The following NSRP1 variants were observed in gnomAD, a reference collection of about 807,000 sequenced individuals.
The protein encoded by NSRP1 is nuclear speckle splicing regulatory protein 1.
In NSRP1, 24 loss-of-function variants were observed where a neutral mutation model predicts 54.7. That is an observed-to-expected ratio of 0.44 (90% CI 0.32 to 0.62). The LOEUF (loss-of-function observed/expected upper bound fraction) is 0.62, where lower values mean the gene tolerates loss of function less well. Among genes scored for constraint, NSRP1 ranks in the 20% least tolerant of loss-of-function variants. The pLI, the probability that NSRP1 is intolerant of heterozygous loss-of-function variation, is 0.06. For missense variants in NSRP1, 596 were observed against 651.2 expected (o/e 0.92, Z 0.92); for synonymous variants, 210 against 213.8 (o/e 0.98, Z 0.15).
chr17:30,117,418 T>G (rs1485711011), intron 1 of NSRP1: 1 of 444,050 alleles, frequency 2.3e-6, no homozygotes, highest in Non-Finnish European at 4.0e-6. Context: ...TGATGTGTAA[T>G]CCTTACTTTT....
Position 30,185,048 on chromosome 17 carries a change from C to T in NSRP1, c.1051C>T (p.His351Tyr). The part of the protein sequence containing the change: ...RDSHRHREAS[H>Y]RDSHWKRHEQ... Reference sequence around the variant, plus strand: ...TTCTCATAGGCACAGAGAGGCCAGTCATAGAGATTCCCATTGGAAGAGGCA... The same window carrying T: ...TTCTCATAGGCACAGAGAGGCCAGTTATAGAGATTCCCATTGGAAGAGGCA... The change falls in exon 7 of 7, where the codon CAT becomes TAT. Residue 351 changes from histidine (H) to tyrosine (Y), a missense_variant. By Grantham distance (83) the His-to-Tyr change is moderately conservative. Transcript: ENST00000247026. The T allele has an allele frequency of 6.2e-7, 1 of 1,614,012 alleles. No homozygotes were observed. Among genetic ancestry groups the T allele is most frequent in the East Asian group, 2.2e-5 (1 of 44,884 alleles).
At chr17:30,143,321 A>G (rs1391142359) in intron 2 of NSRP1, among the ~76,000 whole-genome samples, 1 of 152,224 alleles carries the variant, frequency 6.6e-6, no homozygotes, top group African/African-American at 2.4e-5. Flanking sequence ...TACTTTAAAG[A>G]TAAGAAGCAG....
At chr17:30,143,066 T>C (rs1464335844) in intron 2 of NSRP1, among the ~76,000 whole-genome samples, 2 of 152,218 alleles carry the variant, frequency 1.3e-5, no homozygotes, top group Non-Finnish European at 2.9e-5. Context: ...TTTCTGTTTC[T>C]CCAAAATCAT....
chr17:30,162,438 A>G (rs1904554340), intron 2 of NSRP1, among the ~76,000 whole-genome samples: 1 of 152,190 alleles, frequency 6.6e-6, no homozygotes, highest in Non-Finnish European at 1.5e-5. Context: ...CTTTGTACTT[A>G]CAAGAGTTGT....
intron 2 of NSRP1, among the ~76,000 whole-genome samples, chr17:30,164,012 TGTGTATG>T (rs1904638735): frequency 6.6e-6 from 1 of 151,578 alleles, no homozygotes; most frequent in Non-Finnish European, 1.5e-5. Context: ...CCCCTTATAA[TGTGTATG>T]TGTGTGTGTG....
Position 30,138,909 on chromosome 17 carries a change from G to GTTTTTTTTTT in NSRP1, c.114+20753_114+20762dup. ...ATGAAGTGGTATCTCAAGTCTTAGC[G>GTTTTTTTTTT]TTTTTTTTTTTTTTTTTTTTTTTTT... is the stretch of plus-strand genomic sequence containing the variant. On this transcript the variant is annotated intron_variant, in intron 2 of 6. Transcript: ENST00000247026. Among the ~76,000 whole-genome samples the GTTTTTTTTTT allele has an allele frequency of 3.4e-5, 2 of 58,188 alleles. 1 individual carries two copies. Among genetic ancestry groups the GTTTTTTTTTT allele is most frequent in the South Asian group, 1.8e-3 (2 of 1,136 alleles). 38.2% of individuals were successfully genotyped at this position (58,188 alleles called of 152,430 possible).
chr17:30,146,695 G>A (rs530357993), intron 2 of NSRP1, among the ~76,000 whole-genome samples: 59 of 152,264 alleles, frequency 3.9e-4, no homozygotes, highest in African/African-American at 1.4e-3. Context: ...GAGTACAGTG[G>A]CGCAATCTTG....
chr17:30,128,360 T>A (rs1023381762), intron 2 of NSRP1: 1 of 151,936 alleles, frequency 6.6e-6, no homozygotes, highest in Non-Finnish European at 1.5e-5. Flanking sequence ...AAATACTCAA[T>A]TTTACTATAA....
At chr17:30,165,934 C>T (rs1483863384) in intron 2 of NSRP1, among the ~76,000 whole-genome samples, 2 of 151,892 alleles carry the variant, frequency 1.3e-5, no homozygotes. Context: ...ATTAAGCACA[C>T]TGATAAATAT....
At chr17:30,155,006 A>T (rs1036505231) in intron 2 of NSRP1, among the ~76,000 whole-genome samples, 4 of 152,146 alleles carry the variant, frequency 2.6e-5, no homozygotes, top group Admixed American at 1.3e-4. Flanking sequence ...TTTTGATGAT[A>T]GTTTTTCTGG....
intron 2 of NSRP1, among the ~76,000 whole-genome samples, chr17:30,146,533 C>G (rs1466761207): frequency 6.6e-6 from 1 of 151,982 alleles, no homozygotes; most frequent in South Asian, 2.1e-4. Flanking sequence ...CCCTCCTAGA[C>G]TTTATGAGGT....
At chr17:30,138,194 T>C (rs1163926456) in intron 2 of NSRP1, among the ~76,000 whole-genome samples, 1 of 152,242 alleles carries the variant, frequency 6.6e-6, no homozygotes, top group Non-Finnish European at 1.5e-5. Context: ...CAGAATTTTC[T>C]TCTCCATTGT....
chr17:30,133,824 T>A (rs1342664286), intron 2 of NSRP1, among the ~76,000 whole-genome samples: 1 of 152,226 alleles, frequency 6.6e-6, no homozygotes, highest in Non-Finnish European at 1.5e-5. Context: ...ACTAAAATTC[T>A]CTCCATATCA....
chr17:30,185,362 A>G lies in NSRP1; in HGVS notation c.1365A>G (p.Glu455=), dbSNP rs762753299. The G allele has an allele frequency of 7.4e-6, 12 of 1,612,348 alleles. No individual in the cohort carries two copies. Among genetic ancestry groups the G allele is most frequent in the Non-Finnish European group, 9.3e-6 (11 of 1,179,604 alleles). Residue 455 remains glutamate, a synonymous_variant, in exon 7 of 7, where the codon GAA becomes GAG. Transcript: ENST00000247026. ...QSSERNQDRK[E]SSPNSRAKDK... ...CAGAAAGAAATCAAGACAGAAAGGA[A>G]AGCAGCCCAAATTCTAGGGCAAAGG... is the stretch of plus-strand genomic sequence containing the variant.
intron 2 of NSRP1, among the ~76,000 whole-genome samples, chr17:30,142,178 C>G (rs1418203471): frequency 1.3e-5 from 2 of 152,034 alleles, no homozygotes; most frequent in Non-Finnish European, 2.9e-5. Context: ...TCTCACTGGT[C>G]TACATGATTT....
At chr17:30,162,818 T>A (rs2143006296) in intron 2 of NSRP1, among the ~76,000 whole-genome samples, 1 of 152,272 alleles carries the variant, frequency 6.6e-6, no homozygotes, top group South Asian at 2.1e-4. Context: ...GTACCTATAC[T>A]TTTTTCAATG....
rs1306071001 is a variant in NSRP1, at chr17:30,178,098, G to A, written c.199G>A (p.Ala67Thr). Residue 67 changes from alanine to threonine, a missense_variant, in exon 4 of 7, where the codon GCA becomes ACA. By Grantham distance (58) the Ala-to-Thr change is moderately conservative. Transcript: ENST00000247026. ...QTKLEIQKAL[A>T]EDATVYEYDS... ...CAAACTGGAAATCCAGAAGGCCCTT[G>A]CAGAAGATGCTACTGTGTATGAATA... is the stretch of plus-strand genomic sequence containing the variant. 3.1e-6 allele frequency: 5 copies of A among 1,611,912 alleles called. No homozygotes were observed. In the South Asian group the frequency reaches 5.5e-5, roughly 18 times the overall value.
Position 30,153,306 on chromosome 17 carries a change from T to C in NSRP1, c.115-19236T>C, listed in dbSNP as rs1049484177. 6.6e-5 allele frequency among the ~76,000 whole-genome samples: 10 copies of C among 152,252 alleles called. No homozygotes were observed. The South Asian group carries it at 8.3e-4, about 13-fold the overall frequency. On this transcript the variant is annotated intron_variant, in intron 2 of 6. Transcript: ENST00000247026. ...CTTTTAAAAATCCAATCCCAGAGTT[T>C]GTTGTCTTTTTTTCTCTCTCTCATT...
intron 2 of NSRP1, among the ~76,000 whole-genome samples, chr17:30,147,528 A>G (rs1420629818): frequency 2.0e-5 from 3 of 151,636 alleles, no homozygotes; most frequent in South Asian, 2.1e-4. Flanking sequence ...GCAGTGGCCA[A>G]TCTCGGCTCA....
Sources: allele counts gnomAD v4.1 joint callset (sites outside exome capture counted in the v4.1 genomes callset), GRCh38; gene constraint gnomAD v4.1.1; transcripts MANE v1.5; gene names NCBI Gene and HGNC (gene_info 2026-07-23, HGNC 2026-07-21).